PPP1R42: variants seen among roughly 807,000 people sequenced by gnomAD.
PPP1R42 encodes leucine rich repeat containing 67.
In PPP1R42, 34 loss-of-function variants were observed where a neutral mutation model predicts 31.0. The ratio of observed to expected loss-of-function variants is 1.10; its 90% CI spans 0.83 to 1.46. The LOEUF is 1.46. PPP1R42 is among the 40% of genes most tolerant of loss of function. The pLI, the probability that PPP1R42 is intolerant of heterozygous loss-of-function variation, is 0.00. For synonymous variants in PPP1R42, 103 were observed against 109.8 expected, an observed-to-expected ratio of 0.94 and a Z score of 0.39; for missense variants, 268 against 303.0, an observed-to-expected ratio of 0.88 and a Z score of 0.86.
intron 7 of PPP1R42, among the ~76,000 whole-genome samples, chr8:66,967,910 G>A (rs1563411331): frequency 6.6e-6 from 1 of 151,906 alleles, no homozygotes; most frequent in African/African-American, 2.4e-5. Flanking sequence ...AGTATTCTCG[G>A]TGGATTTTAT....
chr8:67,013,064 T>A lies in PPP1R42; in HGVS notation c.329A>T (p.Glu110Val). ...TAGTTCTCCTAATCCTTCTAAACCT[T>A]CTATGACAGCAATGTAATTGCCTCC... ...YLGGNYIAVI[E>V]GLEGLGELRE... is the part of the protein sequence containing the mutation. Residue 110 changes from glutamate to valine, a missense_variant, in exon 4 of 8, where the codon GAA (glutamate) becomes GTA (valine). Coordinates refer to ENST00000685739, the MANE Select transcript of PPP1R42 (RefSeq NM_001364910.1). 2 of 1,605,450 alleles carry A rather than the reference T, an allele frequency of 1.2e-6. No homozygotes were observed. The highest frequency in any genetic ancestry group is 2.3e-5 in the South Asian group (2 of 88,514).
intron 5 of PPP1R42, among the ~76,000 whole-genome samples, chr8:67,001,912 C>T (rs745664209): frequency 4.6e-5 from 7 of 152,230 alleles, no homozygotes; most frequent in Middle Eastern, 3.4e-3. Context: ...CAGTGAGCTG[C>T]GATCACACTA....
chr8:66,994,474 A>T (rs1291703858), intron 5 of PPP1R42, among the ~76,000 whole-genome samples: 2 of 152,302 alleles, frequency 1.3e-5, no homozygotes, highest in East Asian at 3.9e-4. Context: ...TCAAACAAGA[A>T]TCTTGGTTGA....
chr8:67,019,009 T>A (rs1467160622), intron 1 of PPP1R42, among the ~76,000 whole-genome samples: 11 of 149,250 alleles, frequency 7.4e-5, no homozygotes, highest in South Asian at 2.1e-4. Context: ...TTTTTTTTTT[T>A]AATTTTAATG....
chr8:67,015,092 C>T (rs1815968756), intron 2 of PPP1R42, among the ~76,000 whole-genome samples: 2 of 152,082 alleles, frequency 1.3e-5, no homozygotes, highest in Admixed American at 1.3e-4. Flanking sequence ...CATCTCGGCT[C>T]ACCATAACCT....
At chr8:67,009,886 C>A (rs563068516) in intron 5 of PPP1R42, among the ~76,000 whole-genome samples, 15 of 152,168 alleles carry the variant, frequency 9.9e-5, no homozygotes, top group Non-Finnish European at 1.9e-4. Context: ...GGAAGTAGTT[C>A]TGAAAACAAA....
chr8:66,991,481 T>C (rs564707694), intron 5 of PPP1R42, among the ~76,000 whole-genome samples: 125 of 152,352 alleles, frequency 8.2e-4, no homozygotes, highest in Middle Eastern at 6.8e-3. Context: ...TTCTACACTA[T>C]GGAGTATTGT....
chr8:66,994,328 G>A (rs990388935), intron 5 of PPP1R42, among the ~76,000 whole-genome samples: 13 of 152,158 alleles, frequency 8.5e-5, no homozygotes, highest in Non-Finnish European at 7.3e-5. Flanking sequence ...CTAGGGCATG[G>A]CATTGTTTCA....
At chr8:66,971,109 A>G (rs1814527703) in intron 7 of PPP1R42, 1 of 1,532,674 alleles carries the variant, frequency 6.5e-7, no homozygotes, top group South Asian at 1.2e-5. Context: ...GGTAATAAAC[A>G]GGAACTATAT....
chr8:66,969,989 A>G (rs1337000319), intron 7 of PPP1R42, among the ~76,000 whole-genome samples: 1 of 152,196 alleles, frequency 6.6e-6, no homozygotes, highest in Admixed American at 6.5e-5. Flanking sequence ...TAATTATATC[A>G]CATTTGACTC....
At chr8:66,972,458 C>T (rs1814562765) in intron 7 of PPP1R42, among the ~76,000 whole-genome samples, 1 of 152,048 alleles carries the variant, frequency 6.6e-6, no homozygotes, top group Admixed American at 6.5e-5. Context: ...GGCACAATCT[C>T]GGCTCACTAC....
chr8:66,991,248 G>A (rs1011309256), intron 5 of PPP1R42, among the ~76,000 whole-genome samples: 6 of 152,100 alleles, frequency 3.9e-5, no homozygotes, highest in African/African-American at 1.4e-4. Context: ...AATAGTGTCA[G>A]CAAGCTATAT....
chr8:66,999,306 C>T (rs192393971), intron 5 of PPP1R42, among the ~76,000 whole-genome samples: 3 of 152,228 alleles, frequency 2.0e-5, no homozygotes, highest in Non-Finnish European at 4.4e-5. Flanking sequence ...CTGCACCCTC[C>T]ACCTCTTGGG....
intron 6 of PPP1R42, chr8:66,985,141 G>GT (rs1283127391): frequency 6.0e-6 from 7 of 1,165,294 alleles, no homozygotes; most frequent in Non-Finnish European, 9.1e-6. Flanking sequence ...ATGGATGTCT[G>GT]TTTTTTGAGC....
At chr8:66,987,588 G>A (rs1815062435) in intron 6 of PPP1R42, among the ~76,000 whole-genome samples, 2 of 152,058 alleles carry the variant, frequency 1.3e-5, no homozygotes, top group East Asian at 1.9e-4. Flanking sequence ...CACCGCGCCC[G>A]GCCTCAAATG....
Position 67,017,780 on chromosome 8 carries a change from C to A in PPP1R42, c.-33G>T. 6.5e-7 allele frequency: 1 copy of A among 1,532,242 alleles called. No individual in the cohort carries two copies. Among genetic ancestry groups the A allele is most frequent in the Non-Finnish European group, 8.8e-7 (1 of 1,138,074 alleles). The allele number at this position is 1,532,242 out of a possible 1,614,324, so 94.9% of individuals were successfully genotyped here. On this transcript the variant is annotated 5_prime_UTR_variant, in exon 2 of 8. Coordinates refer to ENST00000685739, the MANE Select transcript of PPP1R42 (RefSeq NM_001364910.1). ...TTATAAATCAAACTCTCAGCAAAAG[C>A]TCTGTTTTGACACCATGTCAAGAAG...
intron 1 of PPP1R42, among the ~76,000 whole-genome samples, chr8:67,019,225 G>T (rs1045805542): frequency 6.9e-6 from 1 of 144,206 alleles, no homozygotes; most frequent in African/African-American, 2.6e-5. Flanking sequence ...ACTACGCCTG[G>T]TTTATGAGCA....
chr8:67,002,469 G>A (rs1286653698), intron 5 of PPP1R42, among the ~76,000 whole-genome samples: 2 of 152,202 alleles, frequency 1.3e-5, no homozygotes, highest in Non-Finnish European at 1.5e-5. Flanking sequence ...AAAGTGTTGG[G>A]ATTACAGGCA....
chr8:67,022,770 A>G (rs750244201), intron 1 of PPP1R42, among the ~76,000 whole-genome samples: 1 of 151,926 alleles, frequency 6.6e-6, no homozygotes, highest in Non-Finnish European at 1.5e-5. Flanking sequence ...TTTCTCTTCT[A>G]TGGTTCTTTT....
Sources: gnomAD v4.1 joint callset for allele counts (sites outside exome capture counted in the v4.1 genomes callset) on GRCh38, gnomAD v4.1.1 for gene constraint, MANE v1.5 for transcripts, NCBI Gene and HGNC (gene_info 2026-07-23, HGNC 2026-07-21) for gene names.